Variants in PTPRT observed in about 807,000 individuals in gnomAD.
PTPRT encodes protein tyrosine phosphatase receptor type T, also known as receptor-type tyrosine-protein phosphatase T.
A neutral mutation model predicts 176.8 loss-of-function variants in PTPRT; 56 were observed. The observed-to-expected ratio is 0.32, with a 90% CI of 0.26 to 0.40. PTPRT has a LOEUF of 0.40. PTPRT is among the 10% of genes least tolerant of loss of function. The pLI is 1.00. For missense variants in PTPRT, 1,540 were observed against 1,908.2 expected (o/e 0.81, Z 3.60); for synonymous variants, 783 against 739.0 (o/e 1.06, Z -0.96).
intron 7 of PTPRT, among the ~76,000 whole-genome samples, chr20:42,565,944 G>A (rs979367412): frequency 6.6e-6 from 1 of 151,954 alleles, no homozygotes; most frequent in African/African-American, 2.4e-5. Context: ...TGGCAGAGAC[G>A]ACTTGCTCTC....
chr20:42,442,208 G>GA (rs1224477097), intron 9 of PTPRT, among the ~76,000 whole-genome samples: 3 of 152,282 alleles, frequency 2.0e-5, no homozygotes, highest in African/African-American at 7.2e-5. Flanking sequence ...CAATGTCTGT[G>GA]TTCAGGCTTT....
intron 7 of PTPRT, among the ~76,000 whole-genome samples, chr20:42,512,791 T>C (rs540339323): frequency 6.6e-6 from 1 of 152,298 alleles, no homozygotes; most frequent in South Asian, 2.1e-4. Flanking sequence ...TTTAGTTAGA[T>C]CTACCTCATT....
intron 6 of PTPRT, among the ~76,000 whole-genome samples, chr20:42,684,543 G>A (rs1409516931): frequency 6.6e-6 from 1 of 152,076 alleles, no homozygotes; most frequent in African/African-American, 2.4e-5. Flanking sequence ...TCTAAGCAAA[G>A]GATTGGAAGT....
At chr20:42,692,646 G>T (rs2425531) in intron 6 of PTPRT, among the ~76,000 whole-genome samples, 4 of 151,984 alleles carry the variant, frequency 2.6e-5, no homozygotes, top group Non-Finnish European at 5.9e-5. Flanking sequence ...GGTAGTTTTA[G>T]CCAATGCAAT....
intron 17 of PTPRT, among the ~76,000 whole-genome samples, chr20:42,157,865 A>G (rs561792994): frequency 6.6e-6 from 1 of 152,322 alleles, no homozygotes; most frequent in South Asian, 2.1e-4. Flanking sequence ...CCACCATGGA[A>G]ATCGTCCACC....
intron 9 of PTPRT, among the ~76,000 whole-genome samples, chr20:42,413,939 CTCCCAGGTTCAAGCGG>C (rs2059040309): frequency 6.6e-6 from 1 of 152,190 alleles, no homozygotes; most frequent in Admixed American, 6.5e-5. Context: ...CAACCTCCGC[CTCCCAGGTTCAAGCGG>C]TTCTCTTGCC....
intron 1 of PTPRT, among the ~76,000 whole-genome samples, chr20:43,164,328 A>C (rs2014796104): frequency 6.6e-6 from 1 of 152,236 alleles, no homozygotes; most frequent in South Asian, 2.1e-4. Context: ...TCTAGGTAGC[A>C]AGCAAGAGAG....
chr20:42,111,402 A>G (rs1284400646), intron 22 of PTPRT, among the ~76,000 whole-genome samples: 1 of 152,196 alleles, frequency 6.6e-6, no homozygotes, highest in Non-Finnish European at 1.5e-5. Flanking sequence ...TAAAAGCCAC[A>G]GCTCCTATCC....
In PTPRT at chr20:42,238,329, G is replaced by A. The variant is rs191877558; in HGVS notation, c.2313-2071C>T. 9.2e-5 allele frequency among the ~76,000 whole-genome samples: 14 copies of A among 152,250 alleles called. No homozygotes were observed. The East Asian group carries it at 1.5e-3, about 17-fold the overall frequency. On this transcript the variant is annotated intron_variant, in intron 14 of 30. Coordinates refer to ENST00000373187, the MANE Select transcript of PTPRT (RefSeq NM_007050.6). Reference sequence around the variant, plus strand: ...TAGGGGGCTGAGCTAGGGAAAATGAGCCACAGTGCAGCAAGATCTGGCCAC... The same window carrying A: ...TAGGGGGCTGAGCTAGGGAAAATGAACCACAGTGCAGCAAGATCTGGCCAC...
intron 7 of PTPRT, among the ~76,000 whole-genome samples, chr20:42,499,224 T>C (rs1244668317): frequency 6.6e-6 from 1 of 152,128 alleles, no homozygotes; most frequent in African/African-American, 2.4e-5. Context: ...CATCTTTATA[T>C]TTGCTTACAT....
rs989025335 is a variant in PTPRT at position 42,931,447 on chromosome 20, C to T, written c.89-45515G>A. On this transcript the variant is annotated intron_variant, in intron 1 of 30. Transcript: ENST00000373187. ...AAATAAATGCCTGTTGTTTAAGCCA[C>T]GCAGTCTATGCATTTTGTCATGACA... Among the ~76,000 whole-genome samples the T allele has an allele frequency of 3.9e-5, 6 of 152,174 alleles. No individual in the cohort carries two copies. In the East Asian group the frequency reaches 5.8e-4, roughly 15 times the overall value.
chr20:42,032,416 T>C, the PTPRT span, among the ~76,000 whole-genome samples: 2 of 152,190 alleles, frequency 1.3e-5, no homozygotes, highest in African/African-American at 2.4e-5. Context: ...AAAGAGATCA[T>C]TGTTTTCCAT....
chr20:42,362,094 C>G (rs1376582936), intron 9 of PTPRT, among the ~76,000 whole-genome samples: 1 of 152,038 alleles, frequency 6.6e-6, no homozygotes, highest in Non-Finnish European at 1.5e-5. Flanking sequence ...GACTCCATCT[C>G]CACAAAAAAT....
intron 13 of PTPRT, among the ~76,000 whole-genome samples, chr20:42,269,158 T>C (rs1011767550): frequency 6.6e-6 from 1 of 152,232 alleles, no homozygotes; most frequent in African/African-American, 2.4e-5. Flanking sequence ...CCATATCTCA[T>C]CTTCCTCCCT....
chr20:42,096,951 A>G (rs1985323200), intron 27 of PTPRT, among the ~76,000 whole-genome samples: 1 of 151,986 alleles, frequency 6.6e-6, no homozygotes, highest in South Asian at 2.1e-4. Context: ...ACCTTCCTGC[A>G]CAGAAAGTAT....
chr20:42,910,247 T>G (rs2079527802), intron 1 of PTPRT, among the ~76,000 whole-genome samples: 1 of 152,176 alleles, frequency 6.6e-6, no homozygotes, highest in African/African-American at 2.4e-5. Context: ...CCTATGAGTT[T>G]TTACATAAAT....
At chr20:42,462,055 T>G (rs2071029894) in intron 8 of PTPRT, among the ~76,000 whole-genome samples, 1 of 151,302 alleles carries the variant, frequency 6.6e-6, no homozygotes, top group Middle Eastern at 3.5e-3. Flanking sequence ...AAACTGGCCT[T>G]TATTTAAAAA....
At chr20:42,244,574 G>A (rs1378027029) in intron 14 of PTPRT, among the ~76,000 whole-genome samples, 1 of 152,126 alleles carries the variant, frequency 6.6e-6, no homozygotes, top group East Asian at 1.9e-4. Flanking sequence ...AAGTCCAGGG[G>A]TGCGGATCTT....
At chr20:42,627,948 C>T (rs976022178) in intron 7 of PTPRT, among the ~76,000 whole-genome samples, 2 of 152,118 alleles carry the variant, frequency 1.3e-5, no homozygotes, top group African/African-American at 4.8e-5. Flanking sequence ...TGGGCACATG[C>T]ACACTTTTAT....
Sources: gnomAD v4.1 joint callset for allele counts (sites outside exome capture counted in the v4.1 genomes callset) on GRCh38, gnomAD v4.1.1 for gene constraint, MANE v1.5 for transcripts, NCBI Gene and HGNC (gene_info 2026-07-23, HGNC 2026-07-21) for gene names.